RESF1: variants seen among roughly 807,000 people sequenced by gnomAD.
RESF1 encodes retroelement silencing factor 1.
In RESF1, 65 loss-of-function variants were observed where a neutral mutation model predicts 134.7. That is an observed-to-expected ratio of 0.48 (90% confidence interval 0.40 to 0.59). The LOEUF (loss-of-function observed/expected upper bound fraction) is 0.59, where lower values mean the gene tolerates loss of function less well. Among genes scored for constraint, RESF1 ranks in the 20% least tolerant of loss-of-function variants. The pLI is 0.00. For synonymous variants in RESF1, 762 were observed against 702.2 expected (o/e 1.09, Z -1.35); for missense variants, 2,274 against 2,002.7 (o/e 1.14, Z -2.59).
chr12:31,965,132 T>C (rs1939369425), intron 2 of RESF1, among the ~76,000 whole-genome samples: 1 of 152,150 alleles, frequency 6.6e-6, no homozygotes, highest in African/African-American at 2.4e-5. Context: ...AATTTTTGTA[T>C]TTTTGGTAGA....
At chr12:31,968,176 A>G (rs1939439148) in intron 2 of RESF1, among the ~76,000 whole-genome samples, 1 of 152,194 alleles carries the variant, frequency 6.6e-6, no homozygotes, top group East Asian at 1.9e-4. Flanking sequence ...ATCAGTGGAT[A>G]CTCTTCAAAT....
In RESF1 at chr12:31,985,456, G is replaced by A. The variant is rs375203540; in HGVS notation, c.4501G>A (p.Gly1501Ser). The change falls in exon 4 of 6, where the codon GGC becomes AGC. Residue 1501 changes from glycine (G) to serine (S), a missense_variant. Coordinates refer to ENST00000312561, the MANE Select transcript of RESF1 (RefSeq NM_018169.4). ...GAAATCAAATGAGAAACACAGCAGC[G>A]GCGTGCAGACCTCTAAAGAATCATT... ...CGKSNEKHSS[G>S]VQTSKESLNG... The A allele has an allele frequency of 1.1e-5, 18 of 1,608,684 alleles. No individual in the cohort carries two copies. The highest frequency in any genetic ancestry group is 2.7e-5 in the African/African-American group (2 of 74,462).
chr12:31,983,519 A>G lies in RESF1; in HGVS notation c.2564A>G (p.Asn855Ser), dbSNP rs1028854599. Residue 855 changes from asparagine to serine, a missense_variant, in exon 4 of 6, where the codon AAT becomes AGT. Transcript: ENST00000312561. ...AATTCAGAAGTCACACCTAATGTCA[A>G]TCAAGGAAAGCATAACAAATTAGAG... is the stretch of plus-strand genomic sequence containing the variant. ...NGNSEVTPNV[N>S]QGKHNKLESA... The G allele has an allele frequency of 1.2e-5, 19 of 1,614,028 alleles. No homozygotes were observed. The highest frequency in any genetic ancestry group is 2.2e-5 in the East Asian group (1 of 44,888).
chr12:31,981,001 T>C lies in RESF1; in HGVS notation c.46T>C (p.Tyr16His), dbSNP rs757422762. 4.3e-6 allele frequency: 7 copies of C among 1,613,650 alleles called. No individual in the cohort carries two copies. Among genetic ancestry groups the C allele is most frequent in the Middle Eastern group, 1.6e-4 (1 of 6,082 alleles). Reference sequence around the variant, plus strand: ...AAAGAGTGCTACATTACCACCACTGTATCCTAAAAGCCAGCCACCTTTTTT... The same window carrying C: ...AAAGAGTGCTACATTACCACCACTGCATCCTAAAAGCCAGCCACCTTTTTT... ...KPKSATLPPL[Y>H]PKSQPPFLHQ... is the part of the protein sequence containing the mutation. The change falls in exon 4 of 6, where the codon TAT (tyrosine) becomes CAT (histidine). Residue 16 changes from tyrosine (Y) to histidine (H), a missense_variant. By Grantham distance (83) the Tyr-to-His change is moderately conservative. Coordinates refer to ENST00000312561, the MANE Select transcript of RESF1 (RefSeq NM_018169.4).
rs116532517 is a variant in RESF1, at chr12:31,965,585, C to T, written c.-246-4604C>T. 4.2e-3 allele frequency among the ~76,000 whole-genome samples: 647 copies of T among 152,248 alleles called. 7 individuals carry two copies. Among genetic ancestry groups the T allele is most frequent in the African/African-American group, 0.014 (594 of 41,534 alleles). On this transcript the variant is annotated intron_variant, in intron 2 of 5. Transcript: ENST00000312561. ...AAGACGCCAAGAACCTGGACAGCTA[C>T]CCTCAACTGCATGGTTTAGAGGAAC... is the stretch of plus-strand genomic sequence containing the variant.
Position 31,985,089 on chromosome 12 carries a change from C to T in RESF1, c.4134C>T (p.Asp1378=), listed in dbSNP as rs1238830980. 4 of 1,564,032 alleles carry T rather than the reference C, an allele frequency of 2.6e-6. No homozygotes were observed. Among genetic ancestry groups the T allele is most frequent in the Non-Finnish European group, 3.4e-6 (4 of 1,163,650 alleles). The change falls in exon 4 of 6, where the codon GAC becomes GAT. Residue 1378 remains aspartate, a synonymous_variant. Coordinates refer to ENST00000312561, the MANE Select transcript of RESF1 (RefSeq NM_018169.4). The part of the protein sequence containing the change: ...SVSFKQKRKL[D]QGNVLDMEVK... ...GCTTCAAACAAAAACGAAAGTTAGACCAAGGGAACGTATTAGATATGGAAG... is the reference window on the plus strand; with the variant it reads ...GCTTCAAACAAAAACGAAAGTTAGATCAAGGGAACGTATTAGATATGGAAG...
chr12:31,968,684 G>A (rs1282072541), intron 2 of RESF1, among the ~76,000 whole-genome samples: 1 of 152,012 alleles, frequency 6.6e-6, no homozygotes, highest in Non-Finnish European at 1.5e-5. Context: ...TCCTGACCTC[G>A]TGATCCGCCC....
In RESF1 at chr12:31,985,267, T is replaced by C. The variant is rs545326480; in HGVS notation, c.4312T>C (p.Ser1438Pro). 1 of 1,611,830 alleles carries C rather than the reference T, an allele frequency of 6.2e-7. No individual in the cohort carries two copies. The highest frequency in any genetic ancestry group is 1.7e-5 in the Admixed American group (1 of 59,482). Residue 1438 changes from serine to proline, a missense_variant, in exon 4 of 6, where the codon TCT (serine) becomes CCT (proline). By Grantham distance (74) the Ser-to-Pro change is moderately conservative (BLOSUM62 -1). Transcript: ENST00000312561. ...GTCTGTAGACACGAAAGCGAGTTCA[T>C]CTAAATTTAGTAGAATTCTAACTCC... Reference protein sequence around the residue: ...TKSVDTKASSSKFSRILTPKE... With the variant: ...TKSVDTKASSPKFSRILTPKE...
rs751541216 is a variant in RESF1 at position 31,985,573 on chromosome 12, G to A, written c.4618G>A (p.Val1540Ile). The A allele has an allele frequency of 2.5e-6, 4 of 1,598,706 alleles. No individual in the cohort carries two copies. The highest frequency in any genetic ancestry group is 1.7e-4 in the Middle Eastern group (1 of 5,970). ...YNILRNVKEK[V>I]GGKQPDKIWI... ...CATTCTAAGGAATGTTAAAGAAAAA[G>A]TTGGTGGGAAGCAGCCTGATAAAAT... Residue 1540 changes from valine (V) to isoleucine (I), a missense_variant, in exon 4 of 6, where the codon GTT becomes ATT. Coordinates refer to ENST00000312561, the MANE Select transcript of RESF1 (RefSeq NM_018169.4).
At position 31,972,545 on chromosome 12, in the gene RESF1, G is replaced by A. The variant is rs147431400; in HGVS notation, c.-79+2189G>A. ...GGCGTGAACCTGGGAGGCGGAGCTC[G>A]CAGTGAGCCAAGATGGTGCCACTGC... is the stretch of plus-strand genomic sequence containing the variant. On this transcript the variant is annotated intron_variant, in intron 3 of 5. Transcript: ENST00000312561. Among the ~76,000 whole-genome samples, 9 of 149,450 alleles carry A rather than the reference G, an allele frequency of 6.0e-5. No individual in the cohort carries two copies. The East Asian group carries it at 9.8e-4, about 16-fold the overall frequency.
chr12:31,971,812 T>C (rs1939513913), intron 3 of RESF1, among the ~76,000 whole-genome samples: 1 of 152,208 alleles, frequency 6.6e-6, no homozygotes, highest in Admixed American at 6.5e-5. Flanking sequence ...TAATTCCTGG[T>C]ACCAATTGTC....
chr12:31,983,431 G>A lies in RESF1; in HGVS notation c.2476G>A (p.Ala826Thr), dbSNP rs1294288047. 15 of 1,613,888 alleles carry A rather than the reference G, an allele frequency of 9.3e-6. No homozygotes were observed. The highest frequency in any genetic ancestry group is 1.2e-5 in the Non-Finnish European group (14 of 1,179,990). Residue 826 changes from alanine to threonine, a missense_variant, in exon 4 of 6, where the codon GCA becomes ACA. By Grantham distance (58) the Ala-to-Thr change is moderately conservative. Coordinates refer to ENST00000312561, the MANE Select transcript of RESF1 (RefSeq NM_018169.4). ...TGTTAGTGGACCAGTAGCAAGTACA[G>A]CAACATCAACCAAGATTTTTCCACT... ...VDVSGPVASTATSTKIFPLTQ... is the reference protein window; with the variant it reads ...VDVSGPVASTTTSTKIFPLTQ...
Position 31,992,864 on chromosome 12 carries a change from A to T in RESF1, c.*329A>T. 3.8e-6 allele frequency: 1 copy of T among 264,992 alleles called. No individual in the cohort carries two copies. Among genetic ancestry groups the T allele is most frequent in the Non-Finnish European group, 7.2e-6 (1 of 138,114 alleles). 16.4% of individuals were successfully genotyped at this position (264,992 alleles called of 1,614,324 possible). On this transcript the variant is annotated 3_prime_UTR_variant, in exon 6 of 6. Coordinates refer to ENST00000312561, the MANE Select transcript of RESF1 (RefSeq NM_018169.4). ...AGGGAGGACCGTTCCTCAGTTAAGG[A>T]CTTGTTTATTTAAATGGGACTGTAA...
At chr12:31,969,443 G>A (rs1190052349) in intron 2 of RESF1, among the ~76,000 whole-genome samples, 1 of 152,140 alleles carries the variant, frequency 6.6e-6, no homozygotes, top group Non-Finnish European at 1.5e-5. Context: ...GGTGGAGTTG[G>A]CAGTGAGCTG....
At chr12:31,976,017 C>T (rs1939622677) in intron 3 of RESF1, among the ~76,000 whole-genome samples, 1 of 152,146 alleles carries the variant, frequency 6.6e-6, no homozygotes, top group South Asian at 2.1e-4. Context: ...GTGTTGGTTA[C>T]TTTAAGGATC....
At chr12:31,971,027 T>C (rs751578814) in intron 3 of RESF1, among the ~76,000 whole-genome samples, 1 of 152,236 alleles carries the variant, frequency 6.6e-6, no homozygotes, top group East Asian at 1.9e-4. Context: ...TAGACAACAG[T>C]GCATATATGT....
intron 3 of RESF1, among the ~76,000 whole-genome samples, chr12:31,980,644 G>A (rs541379451): frequency 2.0e-5 from 3 of 152,272 alleles, no homozygotes; most frequent in African/African-American, 7.2e-5. Flanking sequence ...GCATTTAAAT[G>A]TAACAAAAAG....
At chr12:31,960,337 G>T (rs1278177756) in intron 1 of RESF1, among the ~76,000 whole-genome samples, 2 of 152,118 alleles carry the variant, frequency 1.3e-5, no homozygotes, top group Non-Finnish European at 2.9e-5. Flanking sequence ...TGGCGGGCGG[G>T]TGCATTTCAG....
intron 2 of RESF1, among the ~76,000 whole-genome samples, chr12:31,969,113 CTATTTT>C (rs778730812): frequency 6.6e-6 from 1 of 152,116 alleles, no homozygotes; most frequent in Non-Finnish European, 1.5e-5. Context: ...GCTAGTGTTT[CTATTTT>C]TATTTTTATT....
Sources: allele counts gnomAD v4.1 joint callset (sites outside exome capture counted in the v4.1 genomes callset), GRCh38; gene constraint gnomAD v4.1.1; transcripts MANE v1.5; gene names NCBI Gene and HGNC (gene_info 2026-07-23, HGNC 2026-07-21).